OLFM3: variants seen among roughly 807,000 people sequenced by gnomAD.
OLFM3 encodes the protein noelin-3.
Under a neutral mutation model 48.6 loss-of-function variants are expected in OLFM3, and 20 were observed. That is an observed-to-expected ratio of 0.41 (90% CI 0.29 to 0.60). The LOEUF (loss-of-function observed/expected upper bound fraction) is 0.60, where lower values mean the gene tolerates loss of function less well. Among genes scored for constraint, OLFM3 ranks in the 20% least tolerant of loss-of-function variants. The probability of loss-of-function intolerance (pLI) is 0.28; values close to 1 mark genes in which losing one functional copy is unlikely to be tolerated. For synonymous variants in OLFM3, 222 were observed against 198.1 expected (o/e 1.12, Z -1.01); for missense variants, 437 against 544.3 (o/e 0.80, Z 1.96).
At chr1:101,864,978 C>T (rs914606507) in intron 1 of OLFM3, among the ~76,000 whole-genome samples, 1 of 152,202 alleles carries the variant, frequency 6.6e-6, no homozygotes, top group Non-Finnish European at 1.5e-5. Flanking sequence ...TGACTTCTAG[C>T]CCATTCCATT....
At chr1:101,986,558 T>C (rs1362877202) in intron 1 of OLFM3, among the ~76,000 whole-genome samples, 1 of 152,230 alleles carries the variant, frequency 6.6e-6, no homozygotes, top group African/African-American at 2.4e-5. Flanking sequence ...ATCTCCATTT[T>C]GTATGCTAAA....
At chr1:101,809,735 T>C (rs1653957635) in intron 4 of OLFM3, among the ~76,000 whole-genome samples, 1 of 151,872 alleles carries the variant, frequency 6.6e-6, no homozygotes, top group Non-Finnish European at 1.5e-5. Flanking sequence ...AGAAACTGGG[T>C]AATGCAGAGG....
chr1:101,991,017 A>AAAAAAATATG (rs1557760244), intron 1 of OLFM3, among the ~76,000 whole-genome samples: 1 of 34,432 alleles, frequency 2.9e-5, no homozygotes, highest in African/African-American at 1.4e-4. Flanking sequence ...AAAAAAAAAA[A>AAAAAAATATG]TATATATATA....
intron 1 of OLFM3, 98 bp downstream of exon 1, chr1:101,996,650 G>T: frequency 8.0e-7 from 1 of 1,254,354 alleles, no homozygotes; most frequent in Non-Finnish European, 1.2e-6. Flanking sequence ...TGAAAGAGCT[G>T]TCTCTCGTCC....
intron 1 of OLFM3, among the ~76,000 whole-genome samples, chr1:101,901,092 A>C (rs756137019): frequency 6.6e-5 from 10 of 152,098 alleles, no homozygotes; most frequent in Non-Finnish European, 1.5e-4. Flanking sequence ...AGAGTTACAA[A>C]GAAAAATGAG....
At chr1:101,840,597 A>C (rs1404173720) in intron 1 of OLFM3, among the ~76,000 whole-genome samples, 1 of 151,870 alleles carries the variant, frequency 6.6e-6, no homozygotes, top group African/African-American at 2.4e-5. Flanking sequence ...CAGTTTCCTG[A>C]GTAGCTGAGA....
intron 1 of OLFM3, among the ~76,000 whole-genome samples, chr1:101,942,325 T>C (rs1659820711): frequency 6.6e-6 from 1 of 152,230 alleles, no homozygotes; most frequent in African/African-American, 2.4e-5. Flanking sequence ...ATTGGGGTGC[T>C]GTAACAATCA....
intron 1 of OLFM3, among the ~76,000 whole-genome samples, chr1:101,913,516 T>G (rs575534078): frequency 6.6e-6 from 1 of 152,282 alleles, no homozygotes; most frequent in African/African-American, 2.4e-5. Flanking sequence ...CTGATTGTGA[T>G]ATAGACTACT....
intron 4 of OLFM3, among the ~76,000 whole-genome samples, chr1:101,822,140 A>C (rs1195864378): frequency 6.6e-6 from 1 of 152,108 alleles, no homozygotes; most frequent in Non-Finnish European, 1.5e-5. Context: ...GGGGGGTTAC[A>C]TGTGGGTTAG....
intron 1 of OLFM3, among the ~76,000 whole-genome samples, chr1:101,857,878 A>C (rs897498130): frequency 7.9e-5 from 12 of 152,008 alleles, no homozygotes; most frequent in African/African-American, 2.4e-4. Context: ...AGATCATTGT[A>C]ATATTTTGCA....
intron 1 of OLFM3, among the ~76,000 whole-genome samples, chr1:101,918,065 T>A (rs1272018180): frequency 6.6e-6 from 1 of 152,204 alleles, no homozygotes; most frequent in Non-Finnish European, 1.5e-5. Context: ...CTGTTCTGGT[T>A]TTGACATAAT....
At chr1:101,996,060 G>A (rs1292581785) in intron 1 of OLFM3, among the ~76,000 whole-genome samples, 1 of 152,076 alleles carries the variant, frequency 6.6e-6, no homozygotes, top group Non-Finnish European at 1.5e-5. Context: ...CAACGTCTAT[G>A]AGTTAACTCA....
At chr1:101,821,125 A>G (rs1292936492) in intron 4 of OLFM3, among the ~76,000 whole-genome samples, 1 of 151,958 alleles carries the variant, frequency 6.6e-6, no homozygotes, top group African/African-American at 2.4e-5. Flanking sequence ...CCCCAAGTCT[A>G]TGCATTCTGA....
At chr1:101,976,573 T>C (rs1332476856) in intron 1 of OLFM3, among the ~76,000 whole-genome samples, 3 of 152,202 alleles carry the variant, frequency 2.0e-5, no homozygotes, top group African/African-American at 7.2e-5. Flanking sequence ...CAGAAACTAT[T>C]ATGTCATGTA....
intron 1 of OLFM3, among the ~76,000 whole-genome samples, chr1:101,915,695 C>A (rs1381065680): frequency 6.6e-6 from 1 of 152,248 alleles, no homozygotes; most frequent in South Asian, 2.1e-4. Context: ...CACGTCCTAT[C>A]GCTGGAAACC....
chr1:101,804,140 A>G lies in OLFM3; in HGVS notation c.*98T>C. 1 of 936,196 alleles carries G rather than the reference A, an allele frequency of 1.1e-6. No homozygotes were observed. Among genetic ancestry groups the G allele is most frequent in the Non-Finnish European group, 1.5e-6 (1 of 651,496 alleles). 58.0% of individuals were successfully genotyped at this position (936,196 alleles called of 1,614,324 possible). A position where few individuals can be genotyped will look rare whatever the true frequency, so the allele number is the denominator to read the frequency against. ...CAATAAAAATGCTTTGCTTTGGAGA[A>G]ATGATGAAAAATAATAGTGAAGAAA... On this transcript the variant is annotated 3_prime_UTR_variant, in exon 6 of 6. Coordinates refer to ENST00000370103, the MANE Select transcript of OLFM3 (RefSeq NM_058170.4). This position sits in a 1 kb window ranked among gnomAD's most constrained non-coding sequence, Gnocchi z 4.5.
rs145074131 is a variant in OLFM3 at position 101,846,553 on chromosome 1, A to T, written c.70-9528T>A. On this transcript the variant is annotated intron_variant, in intron 1 of 5. Transcript: ENST00000370103. ...TAAGAAACAAAACATATATATATAT[A>T]TATTTTTAAGAATTGCCCAAGCTTC... 4.4e-3 allele frequency among the ~76,000 whole-genome samples: 662 copies of T among 152,102 alleles called. 4 individuals carry two copies. The highest frequency in any genetic ancestry group is 0.015 in the African/African-American group (641 of 41,544).
intron 1 of OLFM3, chr1:101,847,149 C>T (rs1656036961): frequency 8.4e-6 from 6 of 713,012 alleles, no homozygotes; most frequent in Non-Finnish European, 1.0e-5. Context: ...TGGGAAGTGC[C>T]CTGCCCTTCT....
chr1:101,881,188 G>T (rs1367395600), intron 1 of OLFM3, among the ~76,000 whole-genome samples: 1 of 151,830 alleles, frequency 6.6e-6, no homozygotes, highest in Non-Finnish European at 1.5e-5. Context: ...CTTTGTGAAG[G>T]TTTTTATCTG....
Sources: gnomAD v4.1 joint callset for allele counts (sites outside exome capture counted in the v4.1 genomes callset) on GRCh38, gnomAD v4.1.1 for gene constraint, Gnocchi (gnomAD v3.1) non-coding constraint, MANE v1.5 for transcripts, NCBI Gene and HGNC (gene_info 2026-07-23, HGNC 2026-07-21) for gene names.